TRPM4: variants seen among roughly 807,000 people sequenced by gnomAD.
TRPM4 encodes the protein calcium-activated non-selective cation channel 1.
In TRPM4, 124 loss-of-function variants were observed where a neutral mutation model predicts 135.6. The observed-to-expected ratio is 0.91, with a 90% CI of 0.79 to 1.06. TRPM4 has a LOEUF of 1.06. TRPM4 is among the 50% of genes least tolerant of loss of function. TRPM4 has a pLI of 0.00. For missense variants in TRPM4, 1,658 were observed against 1,671.4 expected (o/e 0.99, Z 0.14); for synonymous variants, 745 against 705.6 (o/e 1.06, Z -0.88).
intron 2 of TRPM4, among the ~76,000 whole-genome samples, chr19:49,164,963 G>A (rs1052492960): frequency 4.0e-5 from 6 of 148,714 alleles, no homozygotes; most frequent in Admixed American, 1.4e-4. Flanking sequence ...AGCTGGTCTC[G>A]AACTCCTGGG....
intron 9 of TRPM4, among the ~76,000 whole-genome samples, chr19:49,176,631 C>G (rs1967705340): frequency 6.6e-6 from 1 of 152,270 alleles, no homozygotes; most frequent in East Asian, 1.9e-4. Flanking sequence ...GAGGTAGGAT[C>G]ACTTGAGGTC....
intron 16 of TRPM4, among the ~76,000 whole-genome samples, chr19:49,194,925 A>AT (rs1167147460): frequency 0.014 from 1,942 of 135,798 alleles, 20 homozygotes; most frequent in African/African-American, 0.033. Flanking sequence ...CACCTGGCTA[A>AT]TTTTTTTTTT....
chr19:49,190,008 A>G (rs189321977), intron 14 of TRPM4, among the ~76,000 whole-genome samples, 200 bp from the exon 15 acceptor site: 2 of 152,290 alleles, frequency 1.3e-5, no homozygotes. Flanking sequence ...TATGGTGTCA[A>G]TTTAAGTGTT....
At chr19:49,178,182 G>A (rs186194714) in intron 9 of TRPM4, among the ~76,000 whole-genome samples, 2 of 152,110 alleles carry the variant, frequency 1.3e-5, no homozygotes, top group Non-Finnish European at 2.9e-5. Context: ...AATTAGCTGG[G>A]TATGGTACTG....
At position 49,166,109 on chromosome 19, in the gene TRPM4, G is replaced by A. The variant is rs1281222750; in HGVS notation, c.161G>A (p.Gly54Glu). The change falls in exon 3 of 25, where the codon GGG becomes GAG. Residue 54 changes from glycine (G) to glutamate (E), a missense_variant. By Grantham distance (98) the Gly-to-Glu change is moderately conservative. Transcript: ENST00000252826. ...HPAVAMEDAF[G>E]AAVVTVWDSD... ...GCAGTGGCCATGGAGGATGCCTTCG[G>A]GGCAGCCGTGGTGACCGTGTGGGAC... is the stretch of plus-strand genomic sequence containing the variant. 1 of 1,603,250 alleles carries A rather than the reference G, an allele frequency of 6.2e-7. No individual in the cohort carries two copies. Among genetic ancestry groups the A allele is most frequent in the Non-Finnish European group, 8.5e-7 (1 of 1,176,088 alleles).
chr19:49,162,683 C>T (rs527546634), intron 2 of TRPM4, among the ~76,000 whole-genome samples: 3 of 152,106 alleles, frequency 2.0e-5, no homozygotes, highest in African/African-American at 7.2e-5. Context: ...ATTTTGGAAA[C>T]GTTCTATGTC....
chr19:49,191,447 C>G (rs892336395), intron 16 of TRPM4, among the ~76,000 whole-genome samples: 43 of 151,932 alleles, frequency 2.8e-4, no homozygotes, highest in African/African-American at 1.0e-3. Context: ...CTCAAGTGAT[C>G]CGCGCACTTT....
In TRPM4 at chr19:49,202,151, G is replaced by C. The variant is rs776310504; in HGVS notation, c.3131+10G>C. 6.2e-7 allele frequency: 1 copy of C among 1,613,828 alleles called. No homozygotes were observed. Among genetic ancestry groups the C allele is most frequent in the Admixed American group, 1.7e-5 (1 of 60,010 alleles). ...TCATTGCCATGTTCAGGTGAGGCCT[G>C]ACTGCTCTCTGATCTGACCCCACCC... On this transcript the variant is annotated intron_variant, in intron 20 of 24. Transcript: ENST00000252826.
chr19:49,181,495 G>C (rs1254429297), intron 10 of TRPM4, 34 bp downstream of exon 10: 1 of 1,354,480 alleles, frequency 7.4e-7, no homozygotes, highest in South Asian at 1.2e-5. Context: ...TGGGCATACT[G>C]ACAAAGGGAC....
rs778411773 is a variant in TRPM4, at chr19:49,200,445, C to A, written c.2778+13C>A. 2.5e-5 allele frequency: 21 copies of A among 823,756 alleles called. No individual in the cohort carries two copies. Among genetic ancestry groups the A allele is most frequent in the Non-Finnish European group, 3.3e-5 (19 of 576,460 alleles). The allele number at this position is 823,756 out of a possible 1,614,324, so 51.0% of individuals were successfully genotyped here. On this transcript the variant is annotated intron_variant, in intron 18 of 24. Coordinates refer to ENST00000252826, the MANE Select transcript of TRPM4 (RefSeq NM_017636.4). ...CGTGAGCAAGATGGTGAGGCAGGGG[C>A]GGGGCCAAAGTGGGCGGGGACATAG...
chr19:49,206,403 C>G (rs750942724), intron 20 of TRPM4, among the ~76,000 whole-genome samples: 2 of 150,816 alleles, frequency 1.3e-5, no homozygotes, highest in Non-Finnish European at 3.0e-5. Context: ...CCATGTCTGT[C>G]AAAAAGGTTG....
At position 49,196,710 on chromosome 19, in the gene TRPM4, G is replaced by A; in HGVS notation, c.2481G>A (p.Glu827=). The change falls in exon 17 of 25, where the codon GAG becomes GAA. Residue 827 remains glutamate (E), a synonymous_variant. Transcript: ENST00000252826. Reference sequence around the variant, plus strand: ...TCTGGGCTTTCACGCTGCTGTGCGAGGAACTGCGCCAGGGCCTGAGCGGAG... The same window carrying A: ...TCTGGGCTTTCACGCTGCTGTGCGAAGAACTGCGCCAGGGCCTGAGCGGAG... ...LYFWAFTLLC[E]ELRQGLSGGG... 1 of 1,552,482 alleles carries A rather than the reference G, an allele frequency of 6.4e-7. No homozygotes were observed. The highest frequency in any genetic ancestry group is 8.7e-7 in the Non-Finnish European group (1 of 1,155,208).
At chr19:49,175,421 C>T (rs919667114) in intron 9 of TRPM4, among the ~76,000 whole-genome samples, 2 of 151,878 alleles carry the variant, frequency 1.3e-5, no homozygotes, top group African/African-American at 4.8e-5. Flanking sequence ...GTTGCCCAGG[C>T]TGGTCTCGAA....
At chr19:49,164,275 T>C (rs904916557) in intron 2 of TRPM4, among the ~76,000 whole-genome samples, 1 of 118,834 alleles carries the variant, frequency 8.4e-6, no homozygotes, top group Non-Finnish European at 1.8e-5. Context: ...TTCTCTCTCT[T>C]TCCCTCCCTC....
chr19:49,182,072 CCA>C (rs1967953937), intron 10 of TRPM4, among the ~76,000 whole-genome samples: 2 of 140,054 alleles, frequency 1.4e-5, no homozygotes, highest in African/African-American at 5.7e-5. Flanking sequence ...ATCCATCCAT[CCA>C]TCCATCCATC....
intron 1 of TRPM4, 81 bp from the exon 2 acceptor site, chr19:49,158,111 G>A (rs1017182474): frequency 1.6e-5 from 23 of 1,431,434 alleles, no homozygotes; most frequent in Non-Finnish European, 2.3e-5. Context: ...AGCGCACGGG[G>A]TGGGTGGCTC....
At position 49,196,473 on chromosome 19, in the gene TRPM4, GGTCCC is replaced by G; in HGVS notation, c.2246_2250del (p.Val749AlafsTer208). ...ACCCAGCCGAGAAGACGCCGCTGGG[GGTCCC>G]GCGCCAGTCGGGCCGTCCGGGTTGC... On this transcript the variant is annotated frameshift_variant, in exon 17 of 25. Coordinates refer to ENST00000252826, the MANE Select transcript of TRPM4 (RefSeq NM_017636.4). LOFTEE classifies it high-confidence loss of function. 15 of 1,552,722 alleles carry G rather than the reference GGTCCC, an allele frequency of 9.7e-6. No homozygotes were observed. The highest frequency in any genetic ancestry group is 1.3e-5 in the Non-Finnish European group (15 of 1,152,702).
Position 49,171,508 on chromosome 19 carries a change from T to A in TRPM4, c.859-70T>A. ...CTGAGTCTTAGGGAGGGTCTGGGGG[T>A]CTGACTCCGGGTAGGGTGAATATCC... is the stretch of plus-strand genomic sequence containing the variant. On this transcript the variant is annotated intron_variant, in intron 7 of 24. Transcript: ENST00000252826. This position sits in a 1 kb window ranked among gnomAD's most constrained non-coding sequence, Gnocchi z 4.7. 6.2e-7 allele frequency: 1 copy of A among 1,610,858 alleles called. No homozygotes were observed. The highest frequency in any genetic ancestry group is 8.5e-7 in the Non-Finnish European group (1 of 1,177,904).
intron 15 of TRPM4, 130 bp downstream of exon 15, chr19:49,190,450 C>CCAGA: frequency 1.1e-6 from 1 of 910,348 alleles, no homozygotes; most frequent in Admixed American, 2.0e-5. Flanking sequence ...GACTCTCTGT[C>CCAGA]CCTCCACTAA....
Sources: allele counts gnomAD v4.1 joint callset (sites outside exome capture counted in the v4.1 genomes callset), GRCh38; gene constraint gnomAD v4.1.1; non-coding constraint Gnocchi (gnomAD v3.1); transcripts MANE v1.5; gene names NCBI Gene and HGNC (gene_info 2026-07-23, HGNC 2026-07-21).